Variants in PLEKHA1 observed in about 807,000 individuals in gnomAD.
PLEKHA1 encodes pleckstrin homology domain-containing family A member 1.
A neutral mutation model predicts 52.0 loss-of-function variants in PLEKHA1; 34 were observed. The observed-to-expected ratio is 0.65, with a 90% CI of 0.50 to 0.87. The LOEUF (loss-of-function observed/expected upper bound fraction) is 0.87. Ranked by LOEUF, PLEKHA1 falls within the 40% of genes least tolerant of loss-of-function variation. The pLI is 0.00. For missense variants in PLEKHA1, 497 were observed against 504.2 expected, an observed-to-expected ratio of 0.99 and a Z score of 0.14; for synonymous variants, 163 against 170.7, an observed-to-expected ratio of 0.95 and a Z score of 0.35.
At chr10:122,374,867 G>C (rs2096497277) in intron 1 of PLEKHA1, 61 bp downstream of exon 1, 1 of 154,124 alleles carries the variant, frequency 6.5e-6, no homozygotes, top group Non-Finnish European at 1.4e-5. Context: ...GGGGCCAGGC[G>C]CGAGGTGGCG....
At chr10:122,382,960 C>T (rs771634519) in intron 1 of PLEKHA1, among the ~76,000 whole-genome samples, 9 of 152,150 alleles carry the variant, frequency 5.9e-5, no homozygotes, top group Non-Finnish European at 1.2e-4. Context: ...CAGATTCACC[C>T]AGTAGGGTTT....
intron 1 of PLEKHA1, among the ~76,000 whole-genome samples, chr10:122,377,924 T>C (rs2096560562): frequency 6.6e-6 from 1 of 152,196 alleles, no homozygotes; most frequent in South Asian, 2.1e-4. Context: ...AAAAGAAAAT[T>C]AGTCATTTAA....
At chr10:122,385,338 G>T (rs11200600) in intron 1 of PLEKHA1, among the ~76,000 whole-genome samples, 2 of 127,542 alleles carry the variant, frequency 1.6e-5, no homozygotes, top group Admixed American at 8.4e-5. Flanking sequence ...TTTTTTTGAG[G>T]CGGAGTTTCG....
chr10:122,421,964 C>T (rs927803521), intron 8 of PLEKHA1: 3 of 151,434 alleles, frequency 2.0e-5, no homozygotes, highest in African/African-American at 7.3e-5. Flanking sequence ...ACAAGCTGAG[C>T]TCAGAAAGTG....
chr10:122,398,095 C>A (rs963204144), intron 3 of PLEKHA1, 121 bp downstream of exon 3: 41 of 707,956 alleles, frequency 5.8e-5, no homozygotes, highest in Non-Finnish European at 8.2e-5. Flanking sequence ...TCCTATCATA[C>A]TGAAATGGTA....
chr10:122,383,195 A>G (rs2096638561), intron 1 of PLEKHA1, among the ~76,000 whole-genome samples: 1 of 152,224 alleles, frequency 6.6e-6, no homozygotes, highest in Non-Finnish European at 1.5e-5. Context: ...TAGCCCCAGC[A>G]ACTACCAACC....
intron 5 of PLEKHA1, among the ~76,000 whole-genome samples, chr10:122,410,988 T>C (rs768038781): frequency 2.6e-5 from 4 of 152,214 alleles, no homozygotes; most frequent in Admixed American, 6.5e-5. Flanking sequence ...AATTGAAATA[T>C]ATGGTGCTAT....
intron 1 of PLEKHA1, among the ~76,000 whole-genome samples, chr10:122,379,249 G>A (rs561121371): frequency 5.9e-5 from 9 of 152,078 alleles, no homozygotes; most frequent in Non-Finnish European, 1.3e-4. Context: ...TCTCTGCAGC[G>A]AGATATTTTG....
intron 11 of PLEKHA1, chr10:122,428,148 T>G: frequency 1.2e-6 from 1 of 859,218 alleles, no homozygotes. Context: ...GAGAAGGATG[T>G]TTGTGTTTTG....
chr10:122,424,208 C>G lies in PLEKHA1; in HGVS notation c.691C>G (p.Pro231Ala). 1 of 1,531,380 alleles carries G rather than the reference C, an allele frequency of 6.5e-7. No individual in the cohort carries two copies. Among genetic ancestry groups the G allele is most frequent in the Middle Eastern group, 2.1e-4 (1 of 4,714 alleles). 94.9% of individuals were successfully genotyped at this position (1,531,380 alleles called of 1,614,324 possible). Residue 231 changes from proline (P) to alanine (A), a missense_variant, in exon 9 of 12, where the codon CCT (proline) becomes GCT (alanine). Physicochemically the swap from Pro to Ala is conservative, Grantham distance 27. Coordinates refer to ENST00000368990, the MANE Select transcript of PLEKHA1 (RefSeq NM_001001974.4). ...TTTTTTTTTTTGCCAGGAAAAGGAA[C>G]CTCTTCGTGTAATACCACTTAAAGA... ...GYFKSELEKE[P>A]LRVIPLKEVH...
intron 4 of PLEKHA1, among the ~76,000 whole-genome samples, chr10:122,401,287 C>T (rs919716534): frequency 6.6e-6 from 1 of 152,108 alleles, no homozygotes; most frequent in African/African-American, 2.4e-5. Flanking sequence ...AAAAAGAGAG[C>T]ATCTGGAAAG....
chr10:122,402,379 A>C (rs907158406), intron 4 of PLEKHA1, among the ~76,000 whole-genome samples: 1 of 152,222 alleles, frequency 6.6e-6, no homozygotes, highest in African/African-American at 2.4e-5. Context: ...CTTTCATTCA[A>C]AGTGGCAACA....
intron 11 of PLEKHA1, 132 bp from the exon 12 acceptor site, chr10:122,429,492 C>T (rs2097392448): frequency 1.4e-6 from 1 of 725,246 alleles, no homozygotes; most frequent in Non-Finnish European, 2.0e-6. Context: ...CTGCTGCTGC[C>T]TTTGTGTGTG....
At chr10:122,377,237 T>C (rs1301495719) in intron 1 of PLEKHA1, among the ~76,000 whole-genome samples, 1 of 152,208 alleles carries the variant, frequency 6.6e-6, no homozygotes. Flanking sequence ...TTTGTGACAA[T>C]AGTAACATTG....
At chr10:122,401,876 A>G (rs1416185383) in intron 4 of PLEKHA1, among the ~76,000 whole-genome samples, 5 of 152,166 alleles carry the variant, frequency 3.3e-5, no homozygotes, top group African/African-American at 1.2e-4. Flanking sequence ...TTTTGCTTGA[A>G]AAGGGCAGAT....
At chr10:122,383,675 CT>C (rs35860103) in intron 1 of PLEKHA1, among the ~76,000 whole-genome samples, 2 of 152,004 alleles carry the variant, frequency 1.3e-5, no homozygotes, top group African/African-American at 4.8e-5. Flanking sequence ...AGGACTCCTC[CT>C]TTTTTTGGTA....
In PLEKHA1 at chr10:122,429,759, G is replaced by A; in HGVS notation, c.1036G>A (p.Glu346Lys). Residue 346 changes from glutamate to lysine, a missense_variant, in exon 12 of 12, where the codon GAG becomes AAG. Glu to Lys is a moderately conservative substitution (Grantham distance 56). Coordinates refer to ENST00000368990, the MANE Select transcript of PLEKHA1 (RefSeq NM_001001974.4). ...TFTMEKRGFY[E>K]SLAKVKPGNF... ...TACCATGGAGAAGCGAGGATTTTAC[G>A]AGTCTCTTGCCAAGGTCAAGCCAGG... The A allele has an allele frequency of 6.2e-7, 1 of 1,614,096 alleles. No homozygotes were observed. Among genetic ancestry groups the A allele is most frequent in the Non-Finnish European group, 8.5e-7 (1 of 1,180,030 alleles).
chr10:122,380,068 A>G (rs2096593434), intron 1 of PLEKHA1, among the ~76,000 whole-genome samples: 1 of 152,232 alleles, frequency 6.6e-6, no homozygotes, highest in South Asian at 2.1e-4. Context: ...AAAAATATAA[A>G]TTTAAGTGGA....
At chr10:122,404,208 G>A (rs964931045) in intron 4 of PLEKHA1, among the ~76,000 whole-genome samples, 3 of 152,080 alleles carry the variant, frequency 2.0e-5, no homozygotes, top group African/African-American at 7.2e-5. Context: ...AAGTGCATAA[G>A]CTAGTCAGGT....
Sources: gnomAD v4.1 joint callset for allele counts (sites outside exome capture counted in the v4.1 genomes callset) on GRCh38, gnomAD v4.1.1 for gene constraint, MANE v1.5 for transcripts, NCBI Gene and HGNC (gene_info 2026-07-23, HGNC 2026-07-21) for gene names.